Variants in OSBPL5 observed in about 807,000 individuals in gnomAD.
OSBPL5 encodes oxysterol-binding protein-related protein 5.
OSBPL5 carries 71 observed loss-of-function variants against 111.2 expected under a neutral mutation model. The observed-to-expected ratio is 0.64, with a 90% CI of 0.53 to 0.78. The LOEUF is 0.78. OSBPL5 is among the 30% of genes least tolerant of loss of function. The probability of loss-of-function intolerance (pLI) is 0.00; values close to 1 mark genes in which losing one functional copy is unlikely to be tolerated. For missense variants in OSBPL5, 1,210 were observed against 1,189.3 expected, an observed-to-expected ratio of 1.02 and a Z score of -0.26; for synonymous variants, 549 against 513.9, an observed-to-expected ratio of 1.07 and a Z score of -0.93.
chr11:3,143,523 G>A (rs1846216621), intron 1 of OSBPL5, among the ~76,000 whole-genome samples: 1 of 152,240 alleles, frequency 6.6e-6, no homozygotes, highest in Non-Finnish European at 1.5e-5. Flanking sequence ...TCGGCCTTCA[G>A]GAGGCAGGAA....
intron 10 of OSBPL5, among the ~76,000 whole-genome samples, chr11:3,103,842 A>T (rs1377110493): frequency 5.9e-5 from 4 of 67,592 alleles, no homozygotes; most frequent in African/African-American, 1.6e-4. Context: ...CAGCCTCTGC[A>T]GCCCCTTTCC....
At position 3,141,439 on chromosome 11, in the gene OSBPL5, C is replaced by T. The variant is rs1031862014; in HGVS notation, c.-21-12270G>A. ...CTTGGTTCCCCTCAGAACAGAGCTT[C>T]CAGAAGGGCCCCCAATCTGTCTCTC... is the stretch of plus-strand genomic sequence containing the variant. On this transcript the variant is annotated intron_variant, in intron 1 of 21. Transcript: ENST00000263650. The surrounding 1 kb of genome is among the most constrained non-coding windows in gnomAD (Gnocchi z 6.5). Among the ~76,000 whole-genome samples, 4 of 152,244 alleles carry T rather than the reference C, an allele frequency of 2.6e-5. No individual in the cohort carries two copies. The highest frequency in any genetic ancestry group is 2.6e-4 in the Admixed American group (4 of 15,304).
Position 3,092,332 on chromosome 11 carries a change from C to T in OSBPL5, c.2259+100G>A, listed in dbSNP as rs113649347. 1.3e-3 allele frequency: 1,889 copies of T among 1,410,768 alleles called. 17 individuals are homozygous for T. The African/African-American group carries it at 0.021, about 16-fold the overall frequency. The allele number at this position is 1,410,768 out of a possible 1,614,324, so 87.4% of individuals were successfully genotyped here. A position where few individuals can be genotyped will look rare whatever the true frequency, so the allele number is the denominator to read the frequency against. On this transcript the variant is annotated intron_variant, in intron 19 of 21. Coordinates refer to ENST00000263650, the MANE Select transcript of OSBPL5 (RefSeq NM_020896.4). This position sits in a 1 kb window ranked among gnomAD's most constrained non-coding sequence, Gnocchi z 5.4. Reference sequence around the variant, plus strand: ...CTGGGGGATGAGGGCGTGAGGGAAACGGAGCGAGGGGAAGGGAGGAGTGAG... The same window carrying T: ...CTGGGGGATGAGGGCGTGAGGGAAATGGAGCGAGGGGAAGGGAGGAGTGAG...
chr11:3,112,126 C>T (rs939167150), intron 7 of OSBPL5, among the ~76,000 whole-genome samples: 42 of 127,650 alleles, frequency 3.3e-4, no homozygotes, highest in Admixed American at 8.5e-4. Context: ...TGTGTGTGTG[C>T]GCATATGTGT....
chr11:3,157,015 TC>T (rs1846784397), intron 1 of OSBPL5, among the ~76,000 whole-genome samples: 1 of 152,198 alleles, frequency 6.6e-6, no homozygotes, highest in South Asian at 2.1e-4. Flanking sequence ...GGGCCACTCC[TC>T]GGGGCCCCCA....
intron 7 of OSBPL5, among the ~76,000 whole-genome samples, chr11:3,116,366 GT>G (rs1858207917): frequency 6.6e-6 from 1 of 152,164 alleles, no homozygotes; most frequent in Admixed American, 6.5e-5. Flanking sequence ...TCATTGTCTT[GT>G]TTTGGTCCTC....
In OSBPL5 at chr11:3,111,983, G is replaced by A. The variant is rs1013382508; in HGVS notation, c.692-4038C>T. ...TGTGTGTGTGTGCATATGTGTGCGC[G>A]CATGTGTGTGCATGTGTGTGTGTGT... On this transcript the variant is annotated intron_variant, in intron 7 of 21. Transcript: ENST00000263650. Among the ~76,000 whole-genome samples the A allele has an allele frequency of 2.4e-4, 33 of 134,928 alleles. 1 individual carries two copies. The highest frequency in any genetic ancestry group is 8.8e-4 in the African/African-American group (33 of 37,380). The allele number at this position is 134,928 out of a possible 152,430, so 88.5% of individuals were successfully genotyped here. A position where few individuals can be genotyped will look rare whatever the true frequency, so the allele number is the denominator to read the frequency against.
rs1235248867 is a variant in OSBPL5, at chr11:3,107,928, C to T, written c.709G>A (p.Ala237Thr). 8.1e-6 allele frequency: 13 copies of T among 1,600,028 alleles called. No homozygotes were observed. Among genetic ancestry groups the T allele is most frequent in the Admixed American group, 1.7e-5 (1 of 59,958 alleles). ...SESDGRCWLD[A>T]LELALRCSSL... is the part of the protein sequence containing the mutation. ...GAGCAGCGCAGGGCCAGCTCCAGGG[C>T]GTCCAGCCAGCAGCGACCTGCGGGG... Residue 237 changes from alanine to threonine, a missense_variant, in exon 8 of 22, where the codon GCC becomes ACC. By Grantham distance (58) the Ala-to-Thr change is moderately conservative. Transcript: ENST00000263650. This position sits in a 1 kb window ranked among gnomAD's most constrained non-coding sequence, Gnocchi z 6.1.
rs1846967516 is a variant in OSBPL5, at chr11:3,161,555, T to G, written c.-22+3661A>C. On this transcript the variant is annotated intron_variant, in intron 1 of 21. Coordinates refer to ENST00000263650, the MANE Select transcript of OSBPL5 (RefSeq NM_020896.4). The surrounding 1 kb of genome is among the most constrained non-coding windows in gnomAD (Gnocchi z 8.0). ...TCACTTAACCGTAGAACACCTACTG[T>G]GTGCCAGCCCCTGGGAAGAGAGCCC... is the stretch of plus-strand genomic sequence containing the variant. 6.6e-6 allele frequency among the ~76,000 whole-genome samples: 1 copy of G among 152,170 alleles called. No homozygotes were observed. The highest frequency in any genetic ancestry group is 1.5e-5 in the Non-Finnish European group (1 of 68,022).
chr11:3,122,027 G>A lies in OSBPL5; in HGVS notation c.372C>T (p.Pro124=). 4 of 1,580,290 alleles carry A rather than the reference G, an allele frequency of 2.5e-6. No homozygotes were observed. In the Middle Eastern group the frequency reaches 5.0e-4, roughly 197 times the overall value. ...TRQLLSALTD[P]SVVIMADSLK... is the part of the protein sequence containing the mutation. ...GGCTGTCAGCCATGATGACCACGCTGGGGTCTGTCAGAGCGCTGAGCAGCT... is the reference window on the plus strand; with the variant it reads ...GGCTGTCAGCCATGATGACCACGCTAGGGTCTGTCAGAGCGCTGAGCAGCT... Residue 124 remains proline (P), a synonymous_variant, in exon 5 of 22, where the codon CCC becomes CCT. Coordinates refer to ENST00000263650, the MANE Select transcript of OSBPL5 (RefSeq NM_020896.4).
intron 6 of OSBPL5, among the ~76,000 whole-genome samples, chr11:3,120,149 G>A (rs1192676581): frequency 2.6e-5 from 4 of 152,196 alleles, no homozygotes; most frequent in Admixed American, 2.6e-4. Context: ...CCCCTGGGGA[G>A]CAGCCACTGT....
In OSBPL5 at chr11:3,092,354, T is replaced by C; in HGVS notation, c.2259+78A>G. On this transcript the variant is annotated intron_variant, in intron 19 of 21. Transcript: ENST00000263650. This position sits in a 1 kb window ranked among gnomAD's most constrained non-coding sequence, Gnocchi z 5.4. ...AAACGGAGCGAGGGGAAGGGAGGAG[T>C]GAGGTGAGGAGCGAGGGGTGGTGGT... 8 of 1,415,996 alleles carry C rather than the reference T, an allele frequency of 5.6e-6. No homozygotes were observed. In the South Asian group the frequency reaches 1.2e-4, roughly 21 times the overall value. 87.7% of individuals were successfully genotyped at this position (1,415,996 alleles called of 1,614,324 possible). A position where few individuals can be genotyped will look rare whatever the true frequency, so the allele number is the denominator to read the frequency against.
At position 3,150,128 on chromosome 11, in the gene OSBPL5, C is replaced by T. The variant is rs951201652; in HGVS notation, c.-22+15088G>A. Among the ~76,000 whole-genome samples, 45 of 152,128 alleles carry T rather than the reference C, an allele frequency of 3.0e-4. 1 individual carries two copies. The highest frequency in any genetic ancestry group is 3.9e-4 in the Admixed American group (6 of 15,272). On this transcript the variant is annotated intron_variant, in intron 1 of 21. Coordinates refer to ENST00000263650, the MANE Select transcript of OSBPL5 (RefSeq NM_020896.4). ...CTGTTTCCCCTGTTGGCATGGCTGC[C>T]GCTTCCCAAGAGGGCACTGTTGCCC...
rs1564843056 is a variant in OSBPL5 at position 3,121,058 on chromosome 11, A to ATTTT, written c.403-435_403-434insAAAA. ...TGACTTGTAACTGGCAGCTTTGTAGATTCTTTTTTTTTTTTTTTTTGAGAC... is the reference window on the plus strand; with the variant it reads ...TGACTTGTAACTGGCAGCTTTGTAGATTTTTTCTTTTTTTTTTTTTTTTTGAGAC... On this transcript the variant is annotated intron_variant, in intron 5 of 21. Transcript: ENST00000263650. This position sits in a 1 kb window ranked among gnomAD's most constrained non-coding sequence, Gnocchi z 4.3. Among the ~76,000 whole-genome samples the ATTTT allele has an allele frequency of 8.2e-6, 1 of 122,214 alleles. No homozygotes were observed. The highest frequency in any genetic ancestry group is 3.0e-5 in the African/African-American group (1 of 33,706). The allele number at this position is 122,214 out of a possible 152,430, so 80.2% of individuals were successfully genotyped here. A position where few individuals can be genotyped will look rare whatever the true frequency, so the allele number is the denominator to read the frequency against.
intron 1 of OSBPL5, among the ~76,000 whole-genome samples, chr11:3,148,524 G>A (rs191578248): frequency 9.8e-5 from 15 of 152,356 alleles, no homozygotes; most frequent in African/African-American, 4.8e-5. Flanking sequence ...TCTTTCCAGC[G>A]GCTGTCCAGG....
At chr11:3,147,171 G>A (rs1371366100) in intron 1 of OSBPL5, among the ~76,000 whole-genome samples, 1 of 152,260 alleles carries the variant, frequency 6.6e-6, no homozygotes, top group Admixed American at 6.5e-5. Context: ...CCTCTGTGAG[G>A]CCTGAGTGCT....
chr11:3,119,507 T>C (rs912829608), intron 7 of OSBPL5, 40 bp downstream of exon 7: 23 of 1,537,972 alleles, frequency 1.5e-5, no homozygotes, highest in Non-Finnish European at 1.9e-5. Flanking sequence ...CCACTTCAGG[T>C]GGGGGCACTG....
Position 3,092,326 on chromosome 11 carries a change from G to C in OSBPL5, c.2259+106C>G. The C allele has an allele frequency of 1.4e-6, 2 of 1,398,902 alleles. No homozygotes were observed. The highest frequency in any genetic ancestry group is 1.9e-6 in the Non-Finnish European group (2 of 1,060,322). The allele number at this position is 1,398,902 out of a possible 1,614,324, so 86.7% of individuals were successfully genotyped here. A position where few individuals can be genotyped will look rare whatever the true frequency, so the allele number is the denominator to read the frequency against. On this transcript the variant is annotated intron_variant, in intron 19 of 21. Coordinates refer to ENST00000263650, the MANE Select transcript of OSBPL5 (RefSeq NM_020896.4). The surrounding 1 kb of genome is among the most constrained non-coding windows in gnomAD (Gnocchi z 5.4). ...AGGGGGCTGGGGGATGAGGGCGTGA[G>C]GGAAACGGAGCGAGGGGAAGGGAGG...
Position 3,141,716 on chromosome 11 carries a change from C to T in OSBPL5, c.-21-12547G>A, listed in dbSNP as rs538384929. 1.8e-3 allele frequency among the ~76,000 whole-genome samples: 268 copies of T among 152,256 alleles called. No homozygotes were observed. The highest frequency in any genetic ancestry group is 6.8e-3 in the Middle Eastern group (2 of 294). The stretch of plus-strand genomic sequence containing the variant: ...TCCCAGTGCTTTGCCGAGGTGCCTA[C>T]GCCACCCTTGCATGTGTGTCCTCCC... On this transcript the variant is annotated intron_variant, in intron 1 of 21. Transcript: ENST00000263650. This position sits in a 1 kb window ranked among gnomAD's most constrained non-coding sequence, Gnocchi z 6.5.
Sources: allele counts gnomAD v4.1 joint callset (sites outside exome capture counted in the v4.1 genomes callset), GRCh38; gene constraint gnomAD v4.1.1; non-coding constraint Gnocchi (gnomAD v3.1); transcripts MANE v1.5; gene names NCBI Gene and HGNC (gene_info 2026-07-23, HGNC 2026-07-21).